Variants in VASH2 observed in about 807,000 individuals in gnomAD.
The protein encoded by VASH2 is tubulinyl-Tyr carboxypeptidase 2.
VASH2 carries 28 observed loss-of-function variants against 37.2 expected under a neutral mutation model. The observed-to-expected ratio is 0.75, with a 90% CI of 0.56 to 1.03. The LOEUF is 1.03. Among genes scored for constraint, VASH2 ranks in the 50% least tolerant of loss-of-function variants. VASH2 has a pLI of 0.00. For missense variants in VASH2, 419 were observed against 459.1 expected (o/e 0.91, Z 0.80); for synonymous variants, 188 against 174.7 (o/e 1.08, Z -0.60).
intron 2 of VASH2, among the ~76,000 whole-genome samples, chr1:212,959,148 G>A (rs893496496): frequency 6.6e-6 from 1 of 152,180 alleles, no homozygotes; most frequent in African/African-American, 2.4e-5. Flanking sequence ...AGACATACTT[G>A]TTCACGTCTC....
At chr1:212,985,842 T>C (rs1667462114) in intron 7 of VASH2, among the ~76,000 whole-genome samples, 1 of 152,236 alleles carries the variant, frequency 6.6e-6, no homozygotes. Context: ...TCCTACTAAC[T>C]GCCACACCAC....
At chr1:212,976,268 T>C (rs1157745797) in intron 7 of VASH2, among the ~76,000 whole-genome samples, 1 of 152,136 alleles carries the variant, frequency 6.6e-6, no homozygotes, top group Non-Finnish European at 1.5e-5. Context: ...CAGATAAGTC[T>C]GTGAGCAAAG....
intron 7 of VASH2, among the ~76,000 whole-genome samples, chr1:212,983,458 TC>T (rs1386824742): frequency 7.9e-5 from 12 of 152,164 alleles, no homozygotes; most frequent in African/African-American, 2.9e-4. Flanking sequence ...GCCAAAGTCA[TC>T]CTTTTATAAG....
chr1:212,972,757 G>A lies in VASH2; in HGVS notation c.675G>A (p.Leu225=). The part of the protein sequence containing the change: ...LMDKPLTFRT[L]SDLIFDFEDS... ...ACAAGCCATTGACTTTTCGGACTCT[G>A]AGTGACCTCATCTTTGACTTTGAGG... The change falls in exon 6 of 8, where the codon CTG becomes CTA. Residue 225 remains leucine (L), a synonymous_variant. Coordinates refer to ENST00000517399, the MANE Select transcript of VASH2 (RefSeq NM_001301056.2). 1.2e-6 allele frequency: 2 copies of A among 1,614,202 alleles called. No individual in the cohort carries two copies. The highest frequency in any genetic ancestry group is 1.7e-6 in the Non-Finnish European group (2 of 1,180,032).
At chr1:212,968,133 C>A in intron 5 of VASH2, 1 of 874,432 alleles carries the variant, frequency 1.1e-6, no homozygotes, top group Non-Finnish European at 1.4e-6. Context: ...ATTTGAGGTG[C>A]CTTGTGGGAT....
chr1:212,966,655 A>G (rs1013502450), intron 5 of VASH2, among the ~76,000 whole-genome samples: 3 of 152,148 alleles, frequency 2.0e-5, no homozygotes, highest in African/African-American at 4.8e-5. Flanking sequence ...GACTAGAGAG[A>G]GTGTGTATGT....
intron 5 of VASH2, among the ~76,000 whole-genome samples, chr1:212,972,256 C>T (rs903859907): frequency 3.3e-5 from 5 of 152,084 alleles, no homozygotes; most frequent in Non-Finnish European, 5.9e-5. Context: ...TGTTCCAGGC[C>T]GGGTTGCAGC....
intron 7 of VASH2, among the ~76,000 whole-genome samples, chr1:212,985,098 C>T (rs925066811): frequency 1.5e-4 from 23 of 151,050 alleles, no homozygotes; most frequent in African/African-American, 4.9e-4. Context: ...CTCAGCTCAC[C>T]GCAACCTCCA....
Position 212,967,436 on chromosome 1 carries a change from G to A in VASH2, c.497+1091G>A, listed in dbSNP as rs544697009. 5.1e-6 allele frequency: 6 copies of A among 1,178,386 alleles called. No individual in the cohort carries two copies. The African/African-American group carries it at 8.0e-5, about 16-fold the overall frequency. 73.0% of individuals were successfully genotyped at this position (1,178,386 alleles called of 1,614,324 possible). ...TCCTATGGGATGGATGGCTGTAAGG[G>A]ACAGTGGAAAAGGAAACACTGCAAG... On this transcript the variant is annotated intron_variant, in intron 5 of 7. Coordinates refer to ENST00000517399, the MANE Select transcript of VASH2 (RefSeq NM_001301056.2).
chr1:212,988,890 G>A lies in VASH2; in HGVS notation c.*306G>A. 3.1e-6 allele frequency: 1 copy of A among 327,594 alleles called. No homozygotes were observed. The highest frequency in any genetic ancestry group is 3.4e-5 in the South Asian group (1 of 29,266). 20.3% of individuals were successfully genotyped at this position (327,594 alleles called of 1,614,324 possible). On this transcript the variant is annotated 3_prime_UTR_variant, in exon 8 of 8. Transcript: ENST00000517399. ...TTACCTACTTTCTTTTACTTGCTTT[G>A]AACATTATGCCTCACCAATAGTAAA... is the stretch of plus-strand genomic sequence containing the variant.
At chr1:212,965,020 A>C (rs967021888) in intron 3 of VASH2, among the ~76,000 whole-genome samples, 1 of 151,660 alleles carries the variant, frequency 6.6e-6, no homozygotes, top group Non-Finnish European at 1.5e-5. Context: ...TCTTAGATTC[A>C]AGTGATTCTC....
At chr1:212,969,703 C>A (rs961463366) in intron 5 of VASH2, among the ~76,000 whole-genome samples, 1 of 152,212 alleles carries the variant, frequency 6.6e-6, no homozygotes, top group African/African-American at 2.4e-5. Context: ...TCTGTCTTTT[C>A]TCTTTGCTTT....
chr1:212,951,707 C>T lies in VASH2; in HGVS notation c.165C>T (p.Gly55=), dbSNP rs1174110843. The T allele has an allele frequency of 6.2e-7, 1 of 1,603,186 alleles. No homozygotes were observed. Among genetic ancestry groups the T allele is most frequent in the Non-Finnish European group, 8.5e-7 (1 of 1,176,208 alleles). ...GGVLFHVNKS[G]FPIDSHTWER... ...TGCTGTTCCACGTCAACAAGAGCGGCTTCCCCATCGACAGCCACACCTGGG... is the reference window on the plus strand; with the variant it reads ...TGCTGTTCCACGTCAACAAGAGCGGTTTCCCCATCGACAGCCACACCTGGG... Residue 55 remains glycine, a synonymous_variant, in exon 2 of 8, where the codon GGC becomes GGT. Transcript: ENST00000517399. The surrounding 1 kb of genome is among the most constrained non-coding windows in gnomAD (Gnocchi z 4.4).
At chr1:212,976,876 C>T (rs1667190260) in intron 7 of VASH2, among the ~76,000 whole-genome samples, 2 of 152,178 alleles carry the variant, frequency 1.3e-5, no homozygotes, top group African/African-American at 4.8e-5. Context: ...AGGAAGAGGG[C>T]ATTCTCCTCC....
chr1:212,973,501 C>T (rs1371995620), intron 6 of VASH2: 3 of 1,290,626 alleles, frequency 2.3e-6, no homozygotes, highest in Non-Finnish European at 3.0e-6. Flanking sequence ...GACTTGTCAT[C>T]TTCACTCTGC....
At position 212,969,233 on chromosome 1, in the gene VASH2, C is replaced by T. The variant is rs967626556; in HGVS notation, c.497+2888C>T. ...TTTGAGACGGAGTCTTGGTCTGTCGCCCAAGCTGGAGTGCAGTGGCGAGAT... is the reference window on the plus strand; with the variant it reads ...TTTGAGACGGAGTCTTGGTCTGTCGTCCAAGCTGGAGTGCAGTGGCGAGAT... On this transcript the variant is annotated intron_variant, in intron 5 of 7. Coordinates refer to ENST00000517399, the MANE Select transcript of VASH2 (RefSeq NM_001301056.2). The T allele has an allele frequency of 6.5e-5, 64 of 980,714 alleles. No homozygotes were observed. The African/African-American group carries it at 1.1e-3, about 16-fold the overall frequency. The allele number at this position is 980,714 out of a possible 1,614,324, so 60.8% of individuals were successfully genotyped here.
At chr1:212,959,566 G>C (rs1666607552) in intron 2 of VASH2, among the ~76,000 whole-genome samples, 1 of 152,254 alleles carries the variant, frequency 6.6e-6, no homozygotes, top group African/African-American at 2.4e-5. Context: ...AGCCAAGAGA[G>C]AATTGAGGCA....
At chr1:212,986,711 G>T (rs916879318) in intron 7 of VASH2, among the ~76,000 whole-genome samples, 1 of 149,324 alleles carries the variant, frequency 6.7e-6, no homozygotes, top group Admixed American at 6.9e-5. Flanking sequence ...TCCCCTGAAG[G>T]ATGGAAGCCT....
rs1387351629 is a variant in VASH2 at position 212,988,627 on chromosome 1, C to T, written c.*43C>T. ...GCAAGAGGGTTTCTGTGGTGCTTCT[C>T]TCTGCACTTTACCCAGCATCTTCAG... On this transcript the variant is annotated 3_prime_UTR_variant, in exon 8 of 8. Transcript: ENST00000517399. 5 of 1,592,334 alleles carry T rather than the reference C, an allele frequency of 3.1e-6. No homozygotes were observed. The highest frequency in any genetic ancestry group is 4.3e-6 in the Non-Finnish European group (5 of 1,160,670).
Sources: allele counts gnomAD v4.1 joint callset (sites outside exome capture counted in the v4.1 genomes callset), GRCh38; gene constraint gnomAD v4.1.1; non-coding constraint Gnocchi (gnomAD v3.1); transcripts MANE v1.5; gene names NCBI Gene and HGNC (gene_info 2026-07-23, HGNC 2026-07-21).